The following EML4 variants were observed in gnomAD, a reference collection of about 807,000 sequenced individuals.
EML4 encodes the protein echinoderm microtubule-associated protein-like 4.
EML4 carries 72 observed loss-of-function variants against 129.0 expected under a neutral mutation model. The ratio of observed to expected loss-of-function variants is 0.56; its 90% confidence interval spans 0.46 to 0.68. The LOEUF (loss-of-function observed/expected upper bound fraction) is 0.68. Among genes scored for constraint, EML4 ranks in the 30% least tolerant of loss-of-function variants. The pLI is 0.00. For missense variants in EML4, 1,363 were observed against 1,190.6 expected (o/e 1.14, Z -2.13); for synonymous variants, 532 against 405.0 (o/e 1.31, Z -3.77).
At chr2:42,277,489 C>A (rs1010230358) in intron 6 of EML4, among the ~76,000 whole-genome samples, 1 of 151,794 alleles carries the variant, frequency 6.6e-6, no homozygotes, top group Non-Finnish European at 1.5e-5. Context: ...TTAGCCTGTT[C>A]TTAGATCAAA....
At chr2:42,202,022 G>C (rs1172563006) in intron 1 of EML4, among the ~76,000 whole-genome samples, 1 of 151,970 alleles carries the variant, frequency 6.6e-6, no homozygotes, top group Non-Finnish European at 1.5e-5. Flanking sequence ...GGCAGAGGTT[G>C]CAGTGAGCTG....
rs976142046 is a variant in EML4, at chr2:42,331,657, G to T, written c.*1450G>T. ...TTACGTGATTGTGCCATTCCAAAGT[G>T]CATCAGAACTGTCATTCCCTTCTAA... On this transcript the variant is annotated 3_prime_UTR_variant, in exon 23 of 23. Transcript: ENST00000318522. 4.5e-6 allele frequency: 1 copy of T among 222,012 alleles called. No homozygotes were observed. Among genetic ancestry groups the T allele is most frequent in the Non-Finnish European group, 9.0e-6 (1 of 110,704 alleles). 13.8% of individuals were successfully genotyped at this position (222,012 alleles called of 1,614,324 possible).
At chr2:42,246,816 T>G (rs144397200) in intron 2 of EML4, among the ~76,000 whole-genome samples, 1,579 of 152,274 alleles carry the variant, frequency 0.01, 24 homozygotes, top group African/African-American at 0.03. Flanking sequence ...GCCAGCTGCT[T>G]ACAGAGATGT....
At chr2:42,289,182 G>C (rs2103647183) in intron 11 of EML4, 1 of 152,278 alleles carries the variant, frequency 6.6e-6, no homozygotes, top group South Asian at 2.1e-4. Context: ...CATAAATGAA[G>C]ATATAGATTG....
intron 1 of EML4, among the ~76,000 whole-genome samples, chr2:42,245,233 T>C (rs1387897308): frequency 6.6e-6 from 1 of 151,512 alleles, no homozygotes; most frequent in Non-Finnish European, 1.5e-5. Flanking sequence ...TAGCTGGGAT[T>C]ACAGGAGCGC....
At chr2:42,281,001 TC>T (rs1666975190) in intron 7 of EML4, 28 bp downstream of exon 7, 2 of 1,530,024 alleles carry the variant, frequency 1.3e-6, no homozygotes, top group South Asian at 2.5e-5. Context: ...GACAGCAAAT[TC>T]ATTTGCTTTG....
chr2:42,259,722 CTTTTTTT>C (rs780243101), intron 3 of EML4, among the ~76,000 whole-genome samples: 3 of 98,316 alleles, frequency 3.1e-5, no homozygotes, highest in African/African-American at 4.3e-5. Flanking sequence ...TTCTTTCTTT[CTTTTTTT>C]TTTTTTTTTT....
intron 1 of EML4, among the ~76,000 whole-genome samples, chr2:42,220,532 C>G (rs1208581602): frequency 2.0e-5 from 3 of 152,070 alleles, no homozygotes; most frequent in East Asian, 1.9e-4. Context: ...CTGGCTGTTC[C>G]TCTGTCTCTC....
chr2:42,265,088 C>A (rs2104401306), intron 6 of EML4: 2 of 829,170 alleles, frequency 2.4e-6, no homozygotes, highest in Non-Finnish European at 3.8e-6. Flanking sequence ...ATGAATCCAG[C>A]TACATTTTAC....
rs1558614888 is a variant in EML4 at position 42,325,606 on chromosome 2, ATATATAT to A, written c.2242+53_2242+59del. 73 of 28,688 alleles carry A rather than the reference ATATATAT, an allele frequency of 2.5e-3. 2 individuals are homozygous for A. The highest frequency in any genetic ancestry group is 3.4e-3 in the Non-Finnish European group (57 of 16,818). The allele number at this position is 28,688 out of a possible 1,614,324, so 1.8% of individuals were successfully genotyped here. A position where few individuals can be genotyped will look rare whatever the true frequency, so the allele number is the denominator to read the frequency against. Reference sequence around the variant, plus strand: ...ATATATATGCTATGATTATATTTATATATATATATATATATATATATATATATATATA... The same window carrying A: ...ATATATATGCTATGATTATATTTATAATATATATATATATATATATATATA... On this transcript the variant is annotated intron_variant, in intron 20 of 22. Coordinates refer to ENST00000318522, the MANE Select transcript of EML4 (RefSeq NM_019063.5).
Position 42,328,909 on chromosome 2 carries a change from G to C in EML4, c.2365G>C (p.Gly789Arg). ...VFGVWPEGSDGTDINALVRSH... is the reference protein window; with the variant it reads ...VFGVWPEGSDRTDINALVRSH... ...AGGTGTCTGGCCAGAAGGATCTGAT[G>C]GGACAGATATCAATGCACTGGTGCG... Residue 789 changes from glycine (G) to arginine (R), a missense_variant, in exon 22 of 23, where the codon GGG becomes CGG. By Grantham distance (125) the Gly-to-Arg change is moderately radical. Transcript: ENST00000318522. 6.2e-7 allele frequency: 1 copy of C among 1,611,966 alleles called. No individual in the cohort carries two copies. The highest frequency in any genetic ancestry group is 8.5e-7 in the Non-Finnish European group (1 of 1,178,904).
At chr2:42,187,373 A>G (rs927264211) in intron 1 of EML4, among the ~76,000 whole-genome samples, 1 of 152,080 alleles carries the variant, frequency 6.6e-6, no homozygotes, top group Non-Finnish European at 1.5e-5. Flanking sequence ...AGAATTTCAC[A>G]TGACTGGGAT....
intron 3 of EML4, among the ~76,000 whole-genome samples, chr2:42,258,564 C>G (rs1665506695): frequency 6.6e-6 from 1 of 152,000 alleles, no homozygotes; most frequent in Non-Finnish European, 1.5e-5. Context: ...CCACACCCAG[C>G]TAATTTTGTA....
chr2:42,290,642 G>A (rs1293144147), intron 11 of EML4, among the ~76,000 whole-genome samples: 1 of 152,072 alleles, frequency 6.6e-6, no homozygotes, highest in Non-Finnish European at 1.5e-5. Flanking sequence ...TGAGGTGGAA[G>A]CATCAATTGA....
intron 1 of EML4, among the ~76,000 whole-genome samples, chr2:42,216,336 G>A (rs192557687): frequency 2.1e-4 from 30 of 146,290 alleles, no homozygotes; most frequent in African/African-American, 5.8e-4. Context: ...TCTGCTGCCC[G>A]GGTTCAAGCG....
At chr2:42,326,302 TATA>T in intron 21 of EML4, 50 bp downstream of exon 21, 2 of 1,257,370 alleles carry the variant, frequency 1.6e-6, no homozygotes, top group Non-Finnish European at 2.3e-6. Flanking sequence ...GTTTTTTATA[TATA>T]ATATTTACTT....
chr2:42,325,795 T>C (rs1428426544), intron 20 of EML4, among the ~76,000 whole-genome samples: 1 of 151,290 alleles, frequency 6.6e-6, no homozygotes, highest in South Asian at 2.1e-4. Flanking sequence ...CCAAGAGTAA[T>C]GAATTAATGT....
chr2:42,184,526 C>T (rs1450035287), intron 1 of EML4, among the ~76,000 whole-genome samples: 1 of 152,130 alleles, frequency 6.6e-6, no homozygotes, highest in African/African-American at 2.4e-5. Context: ...TCTCACCTAC[C>T]TTTCCAGCTT....
chr2:42,235,554 C>T (rs946494122), intron 1 of EML4, among the ~76,000 whole-genome samples: 1 of 152,168 alleles, frequency 6.6e-6, no homozygotes, highest in African/African-American at 2.4e-5. Context: ...TCTAATCTAA[C>T]CTAATCTTCT....
Sources: gnomAD v4.1 joint callset for allele counts (sites outside exome capture counted in the v4.1 genomes callset) on GRCh38, gnomAD v4.1.1 for gene constraint, MANE v1.5 for transcripts, NCBI Gene and HGNC (gene_info 2026-07-23, HGNC 2026-07-21) for gene names.